ZNF892: variants seen among roughly 807,000 people sequenced by gnomAD.
The protein encoded by ZNF892 is zinc finger protein 892.
At chr2:95,256,570 G>T in the ZNF892 span, among the ~76,000 whole-genome samples, 1 of 152,154 alleles carries the variant, frequency 6.6e-6, no homozygotes, top group Non-Finnish European at 1.5e-5. Flanking sequence ...TCTTCTTGAG[G>T]AGTATCTTTG....
chr2:95,261,494 C>T, the ZNF892 span, among the ~76,000 whole-genome samples: 7 of 152,092 alleles, frequency 4.6e-5, no homozygotes, highest in Non-Finnish European at 1.0e-4. Context: ...GGGGTTTCAC[C>T]ATGTTGACCA....
the ZNF892 span, among the ~76,000 whole-genome samples, chr2:95,208,959 G>A: frequency 3.3e-5 from 5 of 152,188 alleles, no homozygotes; most frequent in Non-Finnish European, 7.3e-5. Context: ...CACACATTGA[G>A]TACTGTAATT....
the ZNF892 span, among the ~76,000 whole-genome samples, chr2:95,245,075 C>T: frequency 6.6e-6 from 1 of 152,076 alleles, no homozygotes; most frequent in Non-Finnish European, 1.5e-5. Flanking sequence ...TAAATGCCCA[C>T]ATGAAAAAGC....
chr2:95,242,968 G>C, the ZNF892 span, among the ~76,000 whole-genome samples: 1 of 152,188 alleles, frequency 6.6e-6, no homozygotes, highest in African/African-American at 2.4e-5. Context: ...TCCTGCCTCA[G>C]CCTGCCGAGT....
At chr2:95,223,450 C>T in the ZNF892 span, among the ~76,000 whole-genome samples, 1 of 152,074 alleles carries the variant, frequency 6.6e-6, no homozygotes, top group Non-Finnish European at 1.5e-5. Flanking sequence ...GGCTGGAGTA[C>T]AGTGGTGGTG....
chr2:95,224,070 G>C, the ZNF892 span, among the ~76,000 whole-genome samples: 1 of 152,192 alleles, frequency 6.6e-6, no homozygotes, highest in Admixed American at 6.5e-5. Context: ...GCTAGAAAGT[G>C]GGTTCTCACT....
chr2:95,242,644 T>C, the ZNF892 span, among the ~76,000 whole-genome samples: 2 of 152,056 alleles, frequency 1.3e-5, no homozygotes, highest in African/African-American at 2.4e-5. Context: ...CAAATAACAA[T>C]ACTAACCTTA....
At chr2:95,207,415 C>G in the ZNF892 span, 18 of 164,490 alleles carry the variant, frequency 1.1e-4, no homozygotes, top group East Asian at 2.9e-3. Context: ...GAGCGTGCCG[C>G]GGCAAGAAAC....
the ZNF892 span, among the ~76,000 whole-genome samples, chr2:95,227,085 G>A: frequency 1.3e-5 from 2 of 151,644 alleles, no homozygotes; most frequent in East Asian, 3.9e-4. Flanking sequence ...GGGACCTGAG[G>A]CTCCTCTCTC....
chr2:95,208,217 G>T, the ZNF892 span, among the ~76,000 whole-genome samples: 2 of 152,170 alleles, frequency 1.3e-5, no homozygotes, highest in Non-Finnish European at 2.9e-5. Context: ...GGTGGTGGTG[G>T]TGGTTTTTCC....
At chr2:95,253,862 C>T in the ZNF892 span, among the ~76,000 whole-genome samples, 17 of 152,270 alleles carry the variant, frequency 1.1e-4, no homozygotes, top group East Asian at 2.3e-3. Flanking sequence ...AATGGGAGTT[C>T]ACTCATGATT....
At chr2:95,221,503 C>A in the ZNF892 span, among the ~76,000 whole-genome samples, 1 of 152,072 alleles carries the variant, frequency 6.6e-6, no homozygotes, top group African/African-American at 2.4e-5. Context: ...TAGTTGCATT[C>A]ATCTGTTAAA....
the ZNF892 span, among the ~76,000 whole-genome samples, chr2:95,211,027 C>T: frequency 1.3e-5 from 2 of 152,014 alleles, no homozygotes; most frequent in Non-Finnish European, 1.5e-5. Context: ...AACTGGGGGA[C>T]GCGGGCAGAT....
the ZNF892 span, among the ~76,000 whole-genome samples, chr2:95,222,049 A>G: frequency 6.6e-6 from 1 of 151,828 alleles, no homozygotes; most frequent in Non-Finnish European, 1.5e-5. Flanking sequence ...GACTTGTGTC[A>G]CCATCACCAC....
the ZNF892 span, among the ~76,000 whole-genome samples, chr2:95,206,971 G>C: frequency 6.6e-6 from 1 of 152,060 alleles, no homozygotes; most frequent in Non-Finnish European, 1.5e-5. Flanking sequence ...AGACCTCCAG[G>C]CTCCAGCCTC....
the ZNF892 span, among the ~76,000 whole-genome samples, chr2:95,238,052 A>C: frequency 1.6e-4 from 24 of 152,258 alleles, no homozygotes; most frequent in African/African-American, 5.5e-4. Flanking sequence ...AAATGCAGCA[A>C]GTTATCCAGG....
At chr2:95,256,202 G>C in the ZNF892 span, among the ~76,000 whole-genome samples, 2 of 152,188 alleles carry the variant, frequency 1.3e-5, no homozygotes, top group African/African-American at 2.4e-5. Context: ...TTTTGCAGTG[G>C]CTGGTACTGG....
chr2:95,210,689 A>G, the ZNF892 span, among the ~76,000 whole-genome samples: 1 of 152,164 alleles, frequency 6.6e-6, no homozygotes, highest in Non-Finnish European at 1.5e-5. Context: ...TTCAACAAAT[A>G]TTTACAGAGT....
the ZNF892 span, among the ~76,000 whole-genome samples, chr2:95,221,099 T>C: frequency 3.2e-3 from 484 of 152,322 alleles, 1 homozygote; most frequent in Non-Finnish European, 5.6e-3. Flanking sequence ...CTCATAGATA[T>C]ATGTTTTAAA....
Sources: allele counts gnomAD v4.1 joint callset (sites outside exome capture counted in the v4.1 genomes callset), GRCh38; gene constraint gnomAD v4.1.1; transcripts MANE v1.5; gene names NCBI Gene and HGNC (gene_info 2026-07-23, HGNC 2026-07-21).